The following TMEM178B variants were observed in gnomAD, a reference collection of about 807,000 sequenced individuals.
TMEM178B encodes the protein transmembrane protein 178B.
A neutral mutation model predicts 31.0 loss-of-function variants in TMEM178B; 5 were observed. The observed-to-expected ratio is 0.16, with a 90% CI of 0.08 to 0.34. The LOEUF is 0.34. Ranked by LOEUF, TMEM178B falls within the 10% of genes least tolerant of loss-of-function variation. TMEM178B has a pLI of 1.00. For synonymous variants in TMEM178B, 164 were observed against 164.0 expected, an observed-to-expected ratio of 1.00 and a Z score of 0.00; for missense variants, 275 against 400.3, an observed-to-expected ratio of 0.69 and a Z score of 2.67.
chr7:141,095,948 T>C (rs973964164), intron 1 of TMEM178B, among the ~76,000 whole-genome samples: 7 of 152,164 alleles, frequency 4.6e-5, no homozygotes, highest in Non-Finnish European at 1.0e-4. Flanking sequence ...CTGGTATCCA[T>C]AGGAGTGGCC....
intron 2 of TMEM178B, among the ~76,000 whole-genome samples, chr7:141,219,354 T>C (rs986603099): frequency 1.3e-5 from 2 of 152,198 alleles, no homozygotes; most frequent in Non-Finnish European, 1.5e-5. Flanking sequence ...CATTAGAAGC[T>C]CAGGTCCCCT....
In TMEM178B at chr7:141,343,693, G is replaced by A. The variant is rs534620997; in HGVS notation, c.497-93915G>A. 3.6e-3 allele frequency among the ~76,000 whole-genome samples: 543 copies of A among 152,158 alleles called. 1 individual carries two copies. The highest frequency in any genetic ancestry group is 5.9e-3 in the Non-Finnish European group (402 of 68,000). Reference sequence around the variant, plus strand: ...GCCTCCCGAGTAGCTGGGACTACAGGCGCCCGCCACCAAGCCTGGCTAATT... The same window carrying A: ...GCCTCCCGAGTAGCTGGGACTACAGACGCCCGCCACCAAGCCTGGCTAATT... On this transcript the variant is annotated intron_variant, in intron 2 of 3. Coordinates refer to ENST00000565468, the MANE Select transcript of TMEM178B (RefSeq NM_001195278.2).
At chr7:141,290,566 C>A (rs563678565) in intron 2 of TMEM178B, among the ~76,000 whole-genome samples, 2 of 152,200 alleles carry the variant, frequency 1.3e-5, no homozygotes, top group African/African-American at 2.4e-5. Flanking sequence ...CATGCACACA[C>A]GCACACACAC....
chr7:141,457,312 A>ATTACATAATT (rs1324105491), intron 3 of TMEM178B, among the ~76,000 whole-genome samples: 1 of 152,358 alleles, frequency 6.6e-6, no homozygotes, highest in East Asian at 1.9e-4. Context: ...GACTATGTCA[A>ATTACATAATT]TTACATAATT....
rs768031258 is a variant in TMEM178B, at chr7:141,344,578, T to TCCTC, written c.497-93027_497-93026insCCCT. ...CTCCCTCCATTCCTCCCTCCTCCCT[T>TCCTC]CCTTCCTTCCTTCCTTCCTTCCTTC... On this transcript the variant is annotated intron_variant, in intron 2 of 3. Coordinates refer to ENST00000565468, the MANE Select transcript of TMEM178B (RefSeq NM_001195278.2). The surrounding 1 kb of genome is among the most constrained non-coding windows in gnomAD (Gnocchi z 4.1). Among the ~76,000 whole-genome samples the TCCTC allele has an allele frequency of 0.11, 1,967 of 18,420 alleles. 18 individuals are homozygous for TCCTC. The highest frequency in any genetic ancestry group is 0.16 in the Non-Finnish European group (1,390 of 8,492). The allele number at this position is 18,420 out of a possible 152,430, so 12.1% of individuals were successfully genotyped here. A position where few individuals can be genotyped will look rare whatever the true frequency, so the allele number is the denominator to read the frequency against.
intron 2 of TMEM178B, among the ~76,000 whole-genome samples, chr7:141,415,692 G>A (rs2116643159): frequency 6.6e-6 from 1 of 152,308 alleles, no homozygotes; most frequent in Middle Eastern, 3.4e-3. Flanking sequence ...TGAGATTTGG[G>A]GGACAGACAG....
intron 2 of TMEM178B, among the ~76,000 whole-genome samples, chr7:141,397,724 C>T (rs1800682351): frequency 6.6e-6 from 1 of 152,202 alleles, no homozygotes; most frequent in Non-Finnish European, 1.5e-5. Flanking sequence ...TTATTTCTCT[C>T]TATTGGCTAA....
intron 1 of TMEM178B, among the ~76,000 whole-genome samples, chr7:141,119,262 G>A (rs796451417): frequency 7.2e-5 from 11 of 152,296 alleles, no homozygotes; most frequent in African/African-American, 2.6e-4. Context: ...TCAGTCATTT[G>A]TTGAGGCCTG....
At chr7:141,347,215 A>G (rs1799635421) in intron 2 of TMEM178B, among the ~76,000 whole-genome samples, 1 of 152,204 alleles carries the variant, frequency 6.6e-6, no homozygotes, top group African/African-American at 2.4e-5. Context: ...GAACGAGAAC[A>G]GCCTAATATA....
At chr7:141,481,379 G>A (rs1802471911), downstream of TMEM178B, among the ~76,000 whole-genome samples, 1 of 152,168 alleles carries the variant, frequency 6.6e-6, no homozygotes, top group East Asian at 1.9e-4. Context: ...AAGAAGAAAT[G>A]TCCATTAGAG....
chr7:141,113,261 C>T (rs1415457395), intron 1 of TMEM178B, among the ~76,000 whole-genome samples: 1 of 152,156 alleles, frequency 6.6e-6, no homozygotes, highest in Non-Finnish European at 1.5e-5. Flanking sequence ...TTTGTTCTCA[C>T]TCAGCTGTTC....
At chr7:141,307,467 C>T (rs1798833895) in intron 2 of TMEM178B, among the ~76,000 whole-genome samples, 1 of 152,228 alleles carries the variant, frequency 6.6e-6, no homozygotes, top group Non-Finnish European at 1.5e-5. Flanking sequence ...TACATGCTTT[C>T]CTCCTCAGTA....
At chr7:141,079,670 G>A (rs1416056771) in intron 1 of TMEM178B, among the ~76,000 whole-genome samples, 2 of 152,064 alleles carry the variant, frequency 1.3e-5, no homozygotes, top group African/African-American at 4.8e-5. Context: ...CTTCCCTCCT[G>A]CCCTCTCCAT....
intron 3 of TMEM178B, among the ~76,000 whole-genome samples, chr7:141,442,705 G>A (rs561541926): frequency 1.3e-5 from 2 of 152,166 alleles, no homozygotes; most frequent in African/African-American, 2.4e-5. Context: ...CACCCTTTTA[G>A]AGAGGGCTTT....
At chr7:141,219,596 T>C (rs1797222086) in intron 2 of TMEM178B, among the ~76,000 whole-genome samples, 1 of 152,126 alleles carries the variant, frequency 6.6e-6, no homozygotes, top group African/African-American at 2.4e-5. Flanking sequence ...AAGTCTTTGC[T>C]TTTTGCAAAC....
At chr7:141,481,887 C>T (rs1412301029), downstream of TMEM178B, among the ~76,000 whole-genome samples, 3 of 151,988 alleles carry the variant, frequency 2.0e-5, no homozygotes, top group African/African-American at 7.2e-5. Context: ...TGCCCCAGCC[C>T]GGGCAGGGGT....
Position 141,470,830 on chromosome 7 carries a change from A to G in TMEM178B, c.*44A>G, listed in dbSNP as rs1192568378. On this transcript the variant is annotated 3_prime_UTR_variant, in exon 4 of 4. Transcript: ENST00000565468. ...CATATATATATATAAATATATATAT[A>G]TAATATACATATATAAAACAAAACA... 1 of 961,200 alleles carries G rather than the reference A, an allele frequency of 1.0e-6. No homozygotes were observed. Among genetic ancestry groups the G allele is most frequent in the Non-Finnish European group, 1.3e-6 (1 of 774,230 alleles). The allele number at this position is 961,200 out of a possible 1,614,324, so 59.5% of individuals were successfully genotyped here.
At chr7:141,322,363 TAAAA>T (rs57989369) in intron 2 of TMEM178B, among the ~76,000 whole-genome samples, 1 of 134,426 alleles carries the variant, frequency 7.4e-6, no homozygotes. Context: ...CCCATCTTAC[TAAAA>T]AAAAAAAAAA....
intron 2 of TMEM178B, among the ~76,000 whole-genome samples, chr7:141,423,850 C>T (rs1409475917): frequency 6.7e-6 from 1 of 148,834 alleles, no homozygotes; most frequent in Non-Finnish European, 1.5e-5. Context: ...GCTCTGTCAC[C>T]CAGGCTGGAG....
Sources: allele counts gnomAD v4.1 joint callset (sites outside exome capture counted in the v4.1 genomes callset), GRCh38; gene constraint gnomAD v4.1.1; non-coding constraint Gnocchi (gnomAD v3.1); transcripts MANE v1.5; gene names NCBI Gene and HGNC (gene_info 2026-07-23, HGNC 2026-07-21).